WDR27: variants seen among roughly 807,000 people sequenced by gnomAD.
WDR27 encodes the protein WD repeat-containing protein 27.
Under a neutral mutation model 114.4 loss-of-function variants are expected in WDR27, and 100 were observed. The ratio of observed to expected loss-of-function variants is 0.87; its 90% CI spans 0.74 to 1.03. WDR27 has a LOEUF of 1.03. Among genes scored for constraint, WDR27 ranks in the 50% least tolerant of loss-of-function variants. WDR27 has a pLI of 0.00. For missense variants in WDR27, 1,129 were observed against 1,092.9 expected (o/e 1.03, Z -0.47); for synonymous variants, 449 against 423.1 (o/e 1.06, Z -0.75).
intron 21 of WDR27, among the ~76,000 whole-genome samples, chr6:169,621,989 C>G (rs1813473057): frequency 6.6e-6 from 1 of 152,228 alleles, no homozygotes; most frequent in South Asian, 2.1e-4. Context: ...AAGCTAGGAA[C>G]TGCTTAGGGC....
rs933224366 is a variant in WDR27, at chr6:169,644,780, C to T, written c.1658-994G>A. Among the ~76,000 whole-genome samples the T allele has an allele frequency of 4.8e-4, 32 of 66,098 alleles. 7 individuals carry two copies. The highest frequency in any genetic ancestry group is 6.7e-4 in the Non-Finnish European group (25 of 37,206). The allele number at this position is 66,098 out of a possible 152,430, so 43.4% of individuals were successfully genotyped here. On this transcript the variant is annotated intron_variant, in intron 16 of 25. Coordinates refer to ENST00000448612, the MANE Select transcript of WDR27 (RefSeq NM_182552.5). ...ATCCCAGCACTTTGGGAGGCCGAGG[C>T]GGGCGGATCACGAGGTCAGGAGATC...
intron 2 of WDR27, among the ~76,000 whole-genome samples, chr6:169,682,911 C>T (rs1781898604): frequency 6.6e-6 from 1 of 151,814 alleles, no homozygotes; most frequent in Non-Finnish European, 1.5e-5. Flanking sequence ...GAGCTAAATA[C>T]AAATAATTAA....
At chr6:169,473,748 T>G (rs1339886624) in intron 25 of WDR27, among the ~76,000 whole-genome samples, 2 of 152,220 alleles carry the variant, frequency 1.3e-5, no homozygotes, top group African/African-American at 4.8e-5. Flanking sequence ...TTTCATCACC[T>G]GGGTCTATTC....
At chr6:169,672,028 A>G (rs990670041) in intron 3 of WDR27, 5 of 433,076 alleles carry the variant, frequency 1.2e-5, no homozygotes, top group East Asian at 7.1e-5. Context: ...TAAGATCAGC[A>G]TAACAGACAG....
chr6:169,617,793 T>C (rs1317861624), intron 21 of WDR27, among the ~76,000 whole-genome samples: 2 of 152,224 alleles, frequency 1.3e-5, no homozygotes, highest in African/African-American at 4.8e-5. Flanking sequence ...ATTTTGAACA[T>C]GCCTATTCCC....
chr6:169,504,908 C>A (rs977147451), intron 25 of WDR27, among the ~76,000 whole-genome samples: 5 of 152,136 alleles, frequency 3.3e-5, no homozygotes, highest in African/African-American at 1.2e-4. Context: ...CTGTTACCTA[C>A]TTTATATTCT....
intron 25 of WDR27, among the ~76,000 whole-genome samples, 174 bp from the exon 26 acceptor site, chr6:169,457,808 T>G (rs1163694066): frequency 6.6e-6 from 1 of 152,222 alleles, no homozygotes; most frequent in African/African-American, 2.4e-5. Flanking sequence ...ATGCTGATGA[T>G]TAATTAATTC....
chr6:169,663,296 G>C (rs1826850074), intron 8 of WDR27, among the ~76,000 whole-genome samples: 1 of 151,972 alleles, frequency 6.6e-6, no homozygotes, highest in Non-Finnish European at 1.5e-5. Flanking sequence ...GAAAAAATTG[G>C]TATACTGGAT....
intron 21 of WDR27, among the ~76,000 whole-genome samples, chr6:169,628,212 C>T (rs907445056): frequency 9.9e-5 from 15 of 152,092 alleles, no homozygotes; most frequent in African/African-American, 3.4e-4. Flanking sequence ...AGGAAGGCCC[C>T]GCCACTCAAG....
chr6:169,475,550 T>C (rs930785070), intron 25 of WDR27, among the ~76,000 whole-genome samples: 2 of 152,372 alleles, frequency 1.3e-5, no homozygotes, highest in African/African-American at 4.8e-5. Flanking sequence ...GTTTTACCTT[T>C]CAATTGAGAT....
Position 169,670,616 on chromosome 6 carries a change from C to G in WDR27, c.409G>C (p.Val137Leu), listed in dbSNP as rs779282401. The part of the protein sequence containing the change: ...LCLQLSLDDH[V>L]VAVCAGNKIF... ...TTGTTTCCAGCACACACGGCAACAA[C>G]ATGATCATCCAGGCTCAACTGTAAA... Residue 137 changes from valine (V) to leucine (L), a missense_variant, in exon 4 of 26, where the codon GTT becomes CTT. Coordinates refer to ENST00000448612, the MANE Select transcript of WDR27 (RefSeq NM_182552.5). The G allele has an allele frequency of 1.2e-6, 2 of 1,614,014 alleles. No individual in the cohort carries two copies. Among genetic ancestry groups the G allele is most frequent in the South Asian group, 2.2e-5 (2 of 91,078 alleles).
intron 14 of WDR27, among the ~76,000 whole-genome samples, chr6:169,649,954 C>T (rs1821856382): frequency 2.0e-5 from 3 of 149,022 alleles, no homozygotes; most frequent in South Asian, 2.2e-4. Flanking sequence ...TCCCTCCATC[C>T]CCCACCATCC....
chr6:169,613,345 G>T (rs1811051193), intron 22 of WDR27, among the ~76,000 whole-genome samples: 1 of 152,128 alleles, frequency 6.6e-6, no homozygotes. Context: ...AAGGGCCTGG[G>T]GTTACTCTCC....
rs188661818 is a variant in WDR27, at chr6:169,457,298, G to C, written c.*294C>G. 870 of 284,786 alleles carry C rather than the reference G, an allele frequency of 3.1e-3. 9 individuals are homozygous for C. Among genetic ancestry groups the C allele is most frequent in the Non-Finnish European group, 2.8e-3 (428 of 152,548 alleles). 17.6% of individuals were successfully genotyped at this position (284,786 alleles called of 1,614,324 possible). On this transcript the variant is annotated 3_prime_UTR_variant, in exon 26 of 26. Coordinates refer to ENST00000448612, the MANE Select transcript of WDR27 (RefSeq NM_182552.5). ...AATTATCAAACAAATACTATATTAT[G>C]TTTTATTGAAAGATATTTTGTTTTA...
chr6:169,437,992 T>A, the WDR27 span, among the ~76,000 whole-genome samples: 1,484 of 152,236 alleles, frequency 9.7e-3, 72 homozygotes, highest in Admixed American at 0.085. Context: ...TGGGTTTGGA[T>A]CCCATCACCT....
chr6:169,478,446 GTTGC>G (rs1469974189), intron 25 of WDR27, among the ~76,000 whole-genome samples: 1 of 152,030 alleles, frequency 6.6e-6, no homozygotes, highest in Admixed American at 6.6e-5. Flanking sequence ...ATAAAATAAT[GTTGC>G]TTGTACCTCA....
At chr6:169,648,534 G>A (rs1261361291) in intron 15 of WDR27, among the ~76,000 whole-genome samples, 5 of 152,378 alleles carry the variant, frequency 3.3e-5, no homozygotes, top group Non-Finnish European at 5.9e-5. Context: ...CAGGCAGAAC[G>A]TGGCAGGACA....
Position 169,516,788 on chromosome 6 carries a change from AACACACACACAC to A in WDR27, c.2645+55619_2645+55630del, listed in dbSNP as rs3032851. On this transcript the variant is annotated intron_variant, in intron 25 of 25. Coordinates refer to ENST00000448612, the MANE Select transcript of WDR27 (RefSeq NM_182552.5). ...TGGCTGAGAGTTAAAGGCATGCTCC[AACACACACACAC>A]ACACACACACACACACACACACACA... Among the ~76,000 whole-genome samples, 64 of 119,328 alleles carry A rather than the reference AACACACACACAC, an allele frequency of 5.4e-4. 1 individual carries two copies. The highest frequency in any genetic ancestry group is 9.8e-4 in the East Asian group (4 of 4,070). 78.3% of individuals were successfully genotyped at this position (119,328 alleles called of 152,430 possible).
chr6:169,679,495 G>A (rs1780928319), intron 2 of WDR27, among the ~76,000 whole-genome samples: 1 of 152,150 alleles, frequency 6.6e-6, no homozygotes, highest in African/African-American at 2.4e-5. Flanking sequence ...TTGGAGGTGG[G>A]GTCTGGTGGG....
Sources: allele counts gnomAD v4.1 joint callset (sites outside exome capture counted in the v4.1 genomes callset), GRCh38; gene constraint gnomAD v4.1.1; transcripts MANE v1.5; gene names NCBI Gene and HGNC (gene_info 2026-07-23, HGNC 2026-07-21).